Variants in TRIM71 observed in about 807,000 individuals in gnomAD.
TRIM71 encodes the protein E3 ubiquitin-protein ligase TRIM71.
A neutral mutation model predicts 61.2 loss-of-function variants in TRIM71; 9 were observed. The ratio of observed to expected loss-of-function variants is 0.15; its 90% CI spans 0.09 to 0.26. The LOEUF (loss-of-function observed/expected upper bound fraction) is 0.26, where lower values mean the gene tolerates loss of function less well. TRIM71 is among the 10% of genes least tolerant of loss of function. The probability of loss-of-function intolerance (pLI) is 1.00; values close to 1 mark genes in which losing one functional copy is unlikely to be tolerated. For synonymous variants in TRIM71, 645 were observed against 553.2 expected, an observed-to-expected ratio of 1.17 and a Z score of -2.33; for missense variants, 998 against 1,238.7, an observed-to-expected ratio of 0.81 and a Z score of 2.92.
intron 1 of TRIM71, among the ~76,000 whole-genome samples, chr3:32,851,539 T>C (rs1696538210): frequency 6.6e-6 from 1 of 152,218 alleles, no homozygotes; most frequent in African/African-American, 2.4e-5. Flanking sequence ...GTTACAGTGG[T>C]GTGATCTCAG....
chr3:32,872,442 A>G (rs902699969), intron 1 of TRIM71, among the ~76,000 whole-genome samples: 4 of 152,286 alleles, frequency 2.6e-5, no homozygotes, highest in African/African-American at 9.6e-5. Flanking sequence ...AAGAACTTGG[A>G]GAAGGAAAGA....
At position 32,891,795 on chromosome 3, in the gene TRIM71, G is replaced by A. The variant is rs1427987077; in HGVS notation, c.2591G>A (p.Arg864Gln). The change falls in exon 4 of 4, where the codon CGA becomes CAA. Residue 864 changes from arginine (R) to glutamine (Q), a missense_variant. Physicochemically the swap from Arg to Gln is conservative, Grantham distance 43 (BLOSUM62 1). Transcript: ENST00000383763. The surrounding 1 kb of genome is among the most constrained non-coding windows in gnomAD (Gnocchi z 8.2). ...MIVVVDFGNNRILVF is the reference protein window; with the variant it reads ...MIVVVDFGNNQILVF ...GTTGTGGTGGACTTTGGCAACAATC[G>A]AATCCTCGTCTTCTAATTGCATTTC... 3 of 1,613,794 alleles carry A rather than the reference G, an allele frequency of 1.9e-6. No homozygotes were observed. The highest frequency in any genetic ancestry group is 1.1e-5 in the South Asian group (1 of 91,082).
In TRIM71 at chr3:32,843,228, C is replaced by G. The variant is rs116210728; in HGVS notation, c.852+24296C>G. On this transcript the variant is annotated intron_variant, in intron 1 of 3. Transcript: ENST00000383763. ...CTCTGCTTCCTGCTACTTTCACCCC[C>G]CAAGATCTGGCCTGCATGGTAGCAG... 5.8e-3 allele frequency among the ~76,000 whole-genome samples: 876 copies of G among 152,246 alleles called. 8 individuals carry two copies. Among genetic ancestry groups the G allele is most frequent in the African/African-American group, 0.02 (830 of 41,522 alleles).
intron 3 of TRIM71, among the ~76,000 whole-genome samples, chr3:32,887,572 G>T (rs1289949152): frequency 8.4e-6 from 1 of 118,904 alleles, no homozygotes; most frequent in Admixed American, 1.0e-4. Context: ...TACAAGTTTT[G>T]TTTTCCTGCA....
Position 32,818,465 on chromosome 3 carries a change from G to C in TRIM71, c.385G>C (p.Glu129Gln). The change falls in exon 1 of 4, where the codon GAG becomes CAG. Residue 129 changes from glutamate to glutamine, a missense_variant. Glu to Gln is a conservative substitution (Grantham distance 29, BLOSUM62 2). Transcript: ENST00000383763. ...LLDAVVATAD[E>Q]PPPKNGRAGA... ...CGACGCGGTGGTGGCCACTGCCGAC[G>C]AGCCGCCGCCCAAGAACGGGCGCGC... 6.9e-7 allele frequency: 1 copy of C among 1,454,768 alleles called. No individual in the cohort carries two copies. The highest frequency in any genetic ancestry group is 1.5e-5 in the African/African-American group (1 of 67,300). 90.1% of individuals were successfully genotyped at this position (1,454,768 alleles called of 1,614,324 possible).
intron 1 of TRIM71, among the ~76,000 whole-genome samples, chr3:32,862,280 G>T (rs1172985432): frequency 6.6e-6 from 1 of 152,210 alleles, no homozygotes; most frequent in Non-Finnish European, 1.5e-5. Context: ...AATGTGACTA[G>T]TAATATTTAC....
intron 1 of TRIM71, among the ~76,000 whole-genome samples, chr3:32,872,314 C>A (rs528494758): frequency 3.3e-5 from 5 of 152,114 alleles, no homozygotes; most frequent in African/African-American, 1.2e-4. Flanking sequence ...TACACACTTC[C>A]CTATTAACTC....
Position 32,890,653 on chromosome 3 carries a change from T to G in TRIM71, c.1449T>G (p.Phe483Leu). 1 of 1,613,912 alleles carries G rather than the reference T, an allele frequency of 6.2e-7. No homozygotes were observed. The highest frequency in any genetic ancestry group is 8.5e-7 in the Non-Finnish European group (1 of 1,180,020). Residue 483 changes from phenylalanine (F) to leucine (L), a missense_variant, in exon 4 of 4, where the codon TTT becomes TTG. Around this residue, in one of 5 missense-constraint regions of TRIM71, gnomAD observed 291 missense variants for 431.2 expected, o/e 0.67. Coordinates refer to ENST00000383763, the MANE Select transcript of TRIM71 (RefSeq NM_001039111.3). This position sits in a 1 kb window ranked among gnomAD's most constrained non-coding sequence, Gnocchi z 6.2. ...KSFGFVSSGAFAPLTKATGDG... is the reference protein window; with the variant it reads ...KSFGFVSSGALAPLTKATGDG... Reference sequence around the variant, plus strand: ...TTGGCTTTGTTAGCAGCGGGGCCTTTGCCCCACTCACCAAGGCCACAGGCG... The same window carrying G: ...TTGGCTTTGTTAGCAGCGGGGCCTTGGCCCCACTCACCAAGGCCACAGGCG...
chr3:32,844,445 A>G (rs1475092621), intron 1 of TRIM71, among the ~76,000 whole-genome samples: 1 of 152,126 alleles, frequency 6.6e-6, no homozygotes, highest in Admixed American at 6.6e-5. Context: ...CACTCAGGCT[A>G]GAGTGCAGTG....
At chr3:32,860,914 C>T (rs1312731506) in intron 1 of TRIM71, among the ~76,000 whole-genome samples, 1 of 152,070 alleles carries the variant, frequency 6.6e-6, no homozygotes, top group Non-Finnish European at 1.5e-5. Context: ...GTGGCTCATG[C>T]CTGTAATCCC....
At chr3:32,868,689 T>G (rs1201527952) in intron 1 of TRIM71, among the ~76,000 whole-genome samples, 3 of 151,410 alleles carry the variant, frequency 2.0e-5, no homozygotes, top group African/African-American at 4.9e-5. Context: ...CATTAGGGTT[T>G]TTTTTTTTTT....
intron 1 of TRIM71, among the ~76,000 whole-genome samples, chr3:32,821,612 C>T (rs1340894522): frequency 6.6e-6 from 1 of 152,148 alleles, no homozygotes; most frequent in Non-Finnish European, 1.5e-5. Flanking sequence ...TTTATTTTGG[C>T]TTATTTCAAC....
chr3:32,850,265 A>AT (rs144352341), intron 1 of TRIM71, among the ~76,000 whole-genome samples: 15,679 of 151,922 alleles, frequency 0.1, 836 homozygotes, highest in East Asian at 0.21. Flanking sequence ...GGGAATACAG[A>AT]TTTTTTTTTG....
At chr3:32,874,798 T>C (rs573066188) in intron 2 of TRIM71, among the ~76,000 whole-genome samples, 1 of 149,768 alleles carries the variant, frequency 6.7e-6, no homozygotes, top group African/African-American at 2.5e-5. Flanking sequence ...TACTGGGAGC[T>C]ACTGAGCCCA....
At chr3:32,850,980 C>A (rs535124077) in intron 1 of TRIM71, among the ~76,000 whole-genome samples, 138 of 152,284 alleles carry the variant, frequency 9.1e-4, no homozygotes, top group Non-Finnish European at 1.7e-3. Context: ...TATCAAAATA[C>A]ACAAAATGAA....
chr3:32,823,232 T>A (rs1052888526), intron 1 of TRIM71, among the ~76,000 whole-genome samples: 1 of 152,280 alleles, frequency 6.6e-6, no homozygotes, highest in Non-Finnish European at 1.5e-5. Context: ...TGTTAATTGC[T>A]TAGCCTTTGT....
intron 1 of TRIM71, among the ~76,000 whole-genome samples, chr3:32,840,633 G>A (rs1696393388): frequency 6.6e-6 from 1 of 152,148 alleles, no homozygotes; most frequent in South Asian, 2.1e-4. Flanking sequence ...AGGGCCCCTT[G>A]CTGGGGCTGC....
intron 2 of TRIM71, among the ~76,000 whole-genome samples, chr3:32,878,395 G>A (rs1696872267): frequency 6.6e-6 from 1 of 152,164 alleles, no homozygotes; most frequent in African/African-American, 2.4e-5. Flanking sequence ...GGATCACCTG[G>A]GATGAGGAGT....
chr3:32,841,087 A>C (rs1267958084), intron 1 of TRIM71, among the ~76,000 whole-genome samples: 1 of 151,938 alleles, frequency 6.6e-6, no homozygotes, highest in African/African-American at 2.4e-5. Context: ...TGTACTAAAA[A>C]ACAAAAAATT....
Sources: gnomAD v4.1 joint callset for allele counts (sites outside exome capture counted in the v4.1 genomes callset) on GRCh38, gnomAD v4.1.1 for gene constraint, gnomAD v4.1.1 regional missense constraint, Gnocchi (gnomAD v3.1) non-coding constraint, MANE v1.5 for transcripts, NCBI Gene and HGNC (gene_info 2026-07-23, HGNC 2026-07-21) for gene names.